GRB14: variants seen among roughly 807,000 people sequenced by gnomAD.
GRB14 encodes the protein growth factor receptor bound protein 14.
A neutral mutation model predicts 69.1 loss-of-function variants in GRB14; 38 were observed. The observed-to-expected ratio is 0.55, with a 90% CI of 0.42 to 0.72. The LOEUF (loss-of-function observed/expected upper bound fraction) is 0.72, where lower values mean the gene tolerates loss of function less well. Among genes scored for constraint, GRB14 ranks in the 30% least tolerant of loss-of-function variants. The pLI is 0.00. For synonymous variants in GRB14, 247 were observed against 241.3 expected, an observed-to-expected ratio of 1.02 and a Z score of -0.22; for missense variants, 666 against 666.1, an observed-to-expected ratio of 1.00 and a Z score of 0.00.
In GRB14 at chr2:164,508,734, G is replaced by T; in HGVS notation, c.927+8C>A. 1 of 1,570,766 alleles carries T rather than the reference G, an allele frequency of 6.4e-7. No homozygotes were observed. Among genetic ancestry groups the T allele is most frequent in the Non-Finnish European group, 8.6e-7 (1 of 1,160,186 alleles). On this transcript the variant is annotated splice_region_variant and intron_variant, in intron 7 of 13. Coordinates refer to ENST00000263915, the MANE Select transcript of GRB14 (RefSeq NM_004490.3). Reference sequence around the variant, plus strand: ...CTTTATTCATCTATCAAAATATTAAGCCTGTACCTTAAAGCAGAATCCATA... The same window carrying T: ...CTTTATTCATCTATCAAAATATTAATCCTGTACCTTAAAGCAGAATCCATA...
chr2:164,604,752 C>T (rs1017884077), intron 2 of GRB14, among the ~76,000 whole-genome samples: 1 of 151,876 alleles, frequency 6.6e-6, no homozygotes, highest in Admixed American at 6.6e-5. Context: ...GTGAAAGAAA[C>T]CAGATGCAAA....
chr2:164,543,044 G>A (rs1043731944), intron 3 of GRB14, among the ~76,000 whole-genome samples: 1 of 152,132 alleles, frequency 6.6e-6, no homozygotes, highest in African/African-American at 2.4e-5. Flanking sequence ...TGTAATCCTA[G>A]CACTTTGGGA....
chr2:164,538,996 G>A (rs536486375), intron 3 of GRB14, among the ~76,000 whole-genome samples: 15 of 152,202 alleles, frequency 9.9e-5, no homozygotes, highest in East Asian at 7.7e-4. Context: ...CAAACCGACC[G>A]CAGAATCTCA....
At chr2:164,570,119 C>CA (rs1400731685) in intron 2 of GRB14, among the ~76,000 whole-genome samples, 7 of 151,332 alleles carry the variant, frequency 4.6e-5, no homozygotes, top group African/African-American at 1.5e-4. Context: ...ACTAAAAATA[C>CA]AAAAAATTAG....
In GRB14 at chr2:164,527,098, C is replaced by T; in HGVS notation, c.519G>A (p.Val173=). Residue 173 remains valine, a synonymous_variant, in exon 4 of 14, where the codon GTG becomes GTA. Transcript: ENST00000263915. ...TIEDHELVIE[V]LSNWGIEEEN... ...CTTCTTCTATCCCCCAGTTGGATAGCACTTCAATCACCAGTTCGTGGTCTT... is the reference window on the plus strand; with the variant it reads ...CTTCTTCTATCCCCCAGTTGGATAGTACTTCAATCACCAGTTCGTGGTCTT... 1 of 1,581,290 alleles carries T rather than the reference C, an allele frequency of 6.3e-7. No individual in the cohort carries two copies. Among genetic ancestry groups the T allele is most frequent in the Non-Finnish European group, 8.7e-7 (1 of 1,155,238 alleles).
At chr2:164,582,401 T>C (rs1411247611) in intron 2 of GRB14, among the ~76,000 whole-genome samples, 1 of 146,872 alleles carries the variant, frequency 6.8e-6, no homozygotes, top group Admixed American at 7.0e-5. Context: ...TATTTTCAGC[T>C]CTTATTTATT....
intron 2 of GRB14, among the ~76,000 whole-genome samples, chr2:164,562,893 C>T (rs887705995): frequency 6.6e-6 from 1 of 152,216 alleles, no homozygotes; most frequent in African/African-American, 2.4e-5. Flanking sequence ...TAAAAACTCA[C>T]TTCTCAGGAA....
rs146962441 is a variant in GRB14 at position 164,592,663 on chromosome 2, A to C, written c.324+27024T>G. On this transcript the variant is annotated intron_variant, in intron 2 of 13. Transcript: ENST00000263915. ...GTGCATGGAAACCTACTCACAATCT[A>C]AAAAACTGAAAGAAGAGAATCATGA... Among the ~76,000 whole-genome samples the C allele has an allele frequency of 3.8e-3, 575 of 152,320 alleles. 3 individuals carry two copies. Among genetic ancestry groups the C allele is most frequent in the African/African-American group, 0.012 (513 of 41,576 alleles).
intron 2 of GRB14, among the ~76,000 whole-genome samples, chr2:164,613,986 C>T (rs1043626542): frequency 2.0e-5 from 3 of 152,158 alleles, no homozygotes. Flanking sequence ...ATTCCTATAA[C>T]CTCCCCCAGA....
intron 2 of GRB14, among the ~76,000 whole-genome samples, chr2:164,569,945 C>G (rs1043617149): frequency 1.3e-5 from 2 of 152,086 alleles, no homozygotes; most frequent in Middle Eastern, 3.2e-3. Flanking sequence ...TAACCTTGAG[C>G]TACTTTTCAG....
intron 2 of GRB14, chr2:164,568,229 T>G (rs1689031647): frequency 1.3e-6 from 1 of 741,044 alleles, no homozygotes; most frequent in Non-Finnish European, 2.0e-6. Context: ...TAAGTAAAGC[T>G]TCCTATGTAT....
chr2:164,499,987 T>C (rs1217488981), intron 9 of GRB14, among the ~76,000 whole-genome samples: 1 of 152,138 alleles, frequency 6.6e-6, no homozygotes, highest in East Asian at 1.9e-4. Flanking sequence ...AGGCAGCTTA[T>C]GGTAAAAGCA....
At chr2:164,587,086 A>G (rs1022998884) in intron 2 of GRB14, among the ~76,000 whole-genome samples, 7 of 152,234 alleles carry the variant, frequency 4.6e-5, no homozygotes, top group Non-Finnish European at 1.0e-4. Context: ...ATGAACTATC[A>G]TAATAGCAAC....
At chr2:164,547,855 C>A in intron 2 of GRB14, 39 bp from the exon 3 acceptor site, 1 of 1,451,404 alleles carries the variant, frequency 6.9e-7, no homozygotes, top group Non-Finnish European at 9.4e-7. Flanking sequence ...TAAAATATTC[C>A]TGTTTGTGTT....
intron 2 of GRB14, among the ~76,000 whole-genome samples, chr2:164,584,691 T>G (rs1689493296): frequency 6.6e-6 from 1 of 152,156 alleles, no homozygotes; most frequent in African/African-American, 2.4e-5. Context: ...AATGTCATTC[T>G]ACTGACTAAA....
chr2:164,579,985 CT>C (rs924021065), intron 2 of GRB14, among the ~76,000 whole-genome samples: 53 of 152,188 alleles, frequency 3.5e-4, no homozygotes, highest in African/African-American at 1.2e-3. Context: ...AGGGCAAGTA[CT>C]TAATAGAGTG....
At chr2:164,516,000 T>C (rs924416601) in intron 6 of GRB14, among the ~76,000 whole-genome samples, 2 of 151,710 alleles carry the variant, frequency 1.3e-5, no homozygotes, top group Non-Finnish European at 2.9e-5. Flanking sequence ...GGCTTTCAAC[T>C]TAATCCAACA....
At position 164,580,300 on chromosome 2, in the gene GRB14, C is replaced by T. The variant is rs1689369145; in HGVS notation, c.325-32484G>A. 2.6e-5 allele frequency among the ~76,000 whole-genome samples: 4 copies of T among 152,042 alleles called. 1 individual carries two copies. In the South Asian group the frequency reaches 8.3e-4, roughly 32 times the overall value. ...TAGAGACGGGGTTTTGCCATGTTGG[C>T]CAGGCTGGTCTCGAACTCCTGACCT... is the stretch of plus-strand genomic sequence containing the variant. On this transcript the variant is annotated intron_variant, in intron 2 of 13. Coordinates refer to ENST00000263915, the MANE Select transcript of GRB14 (RefSeq NM_004490.3).
intron 6 of GRB14, among the ~76,000 whole-genome samples, chr2:164,509,792 GAAAAAAAAA>G (rs10675642): frequency 2.3e-5 from 2 of 86,250 alleles, no homozygotes; most frequent in South Asian, 5.0e-4. Flanking sequence ...AGAAGCAGTG[GAAAAAAAAA>G]AAAAAAAAAA....
Sources: allele counts gnomAD v4.1 joint callset (sites outside exome capture counted in the v4.1 genomes callset), GRCh38; gene constraint gnomAD v4.1.1; transcripts MANE v1.5; gene names NCBI Gene and HGNC (gene_info 2026-07-23, HGNC 2026-07-21).